SLC17A8: variants seen among roughly 807,000 people sequenced by gnomAD.
SLC17A8 encodes solute carrier family 17 member 8.
SLC17A8 carries 31 observed loss-of-function variants against 58.0 expected under a neutral mutation model. That is an observed-to-expected ratio of 0.53 (90% CI 0.40 to 0.72). The LOEUF (loss-of-function observed/expected upper bound fraction) is 0.72, where lower values mean the gene tolerates loss of function less well. Among genes scored for constraint, SLC17A8 ranks in the 30% least tolerant of loss-of-function variants. The pLI, the probability that SLC17A8 is intolerant of heterozygous loss-of-function variation, is 0.00. For synonymous variants in SLC17A8, 228 were observed against 249.0 expected (o/e 0.92, Z 0.79); for missense variants, 655 against 727.8 (o/e 0.90, Z 1.15).
At chr12:100,367,988 G>C (rs555914102) in intron 1 of SLC17A8, among the ~76,000 whole-genome samples, 5 of 152,196 alleles carry the variant, frequency 3.3e-5, no homozygotes, top group Non-Finnish European at 7.3e-5. Flanking sequence ...TTTTGTTTAA[G>C]TTTCCAAGAA....
In SLC17A8 at chr12:100,412,931, C is replaced by A. The variant is rs149739087; in HGVS notation, c.1297+51C>A. ...TCTTGACTATAGATTCAACAAGTCC[C>A]AGGAAGAAGGAAGGACAAGGATATT... On this transcript the variant is annotated intron_variant, in intron 10 of 11. Transcript: ENST00000323346. 2.0e-4 allele frequency: 282 copies of A among 1,404,044 alleles called. 2 individuals carry two copies. The East Asian group carries it at 6.4e-3, about 32-fold the overall frequency. 87.0% of individuals were successfully genotyped at this position (1,404,044 alleles called of 1,614,324 possible).
intron 1 of SLC17A8, among the ~76,000 whole-genome samples, chr12:100,364,315 G>A (rs1196373172): frequency 6.6e-6 from 1 of 152,194 alleles, no homozygotes; most frequent in Non-Finnish European, 1.5e-5. Flanking sequence ...ACCCCAGTCA[G>A]GATGAATTGC....
chr12:100,412,537 C>T (rs1952876274), intron 9 of SLC17A8, among the ~76,000 whole-genome samples: 1 of 150,468 alleles, frequency 6.6e-6, no homozygotes, highest in South Asian at 2.1e-4. Flanking sequence ...TGTAATAAAC[C>T]TGCACATTCT....
At position 100,380,959 on chromosome 12, in the gene SLC17A8, T is replaced by A. The variant is rs1331667249; in HGVS notation, c.354+6T>A. On this transcript the variant is annotated splice_donor_region_variant and intron_variant, in intron 2 of 11. Coordinates refer to ENST00000323346, the MANE Select transcript of SLC17A8 (RefSeq NM_139319.3). Reference sequence around the variant, plus strand: ...ATGGAAAACCGGAAATTCAGGTTGGTATCAGTCCATGGTGGAAGACTTTTC... The same window carrying A: ...ATGGAAAACCGGAAATTCAGGTTGGAATCAGTCCATGGTGGAAGACTTTTC... 8.7e-6 allele frequency: 14 copies of A among 1,613,852 alleles called. No homozygotes were observed. Among genetic ancestry groups the A allele is most frequent in the Non-Finnish European group, 1.2e-5 (14 of 1,180,032 alleles).
At chr12:100,382,881 T>C (rs189547712) in intron 2 of SLC17A8, among the ~76,000 whole-genome samples, 1 of 152,204 alleles carries the variant, frequency 6.6e-6, no homozygotes, top group Non-Finnish European at 1.5e-5. Flanking sequence ...GCAAGCTATT[T>C]GTTTTTGCTT....
At chr12:100,418,243 C>A in intron 11 of SLC17A8, 87 bp downstream of exon 11, 1 of 1,534,028 alleles carries the variant, frequency 6.5e-7, no homozygotes, top group South Asian at 1.1e-5. Context: ...CTACTGCAGT[C>A]TGTAAATGTG....
intron 1 of SLC17A8, among the ~76,000 whole-genome samples, chr12:100,366,665 T>C (rs1263202984): frequency 3.3e-5 from 5 of 152,214 alleles, no homozygotes; most frequent in Non-Finnish European, 7.3e-5. Flanking sequence ...GGTCTTCTCC[T>C]TCAGTCTTTG....
intron 1 of SLC17A8, among the ~76,000 whole-genome samples, chr12:100,370,996 G>A (rs1566387527): frequency 2.0e-5 from 3 of 152,182 alleles, no homozygotes; most frequent in Non-Finnish European, 4.4e-5. Flanking sequence ...TACTGTGGGA[G>A]CATTGACTGG....
chr12:100,391,953 C>A (rs774266009), intron 3 of SLC17A8, among the ~76,000 whole-genome samples: 12 of 152,068 alleles, frequency 7.9e-5, no homozygotes, highest in Non-Finnish European at 1.0e-4. Context: ...CCTTGAGACT[C>A]TGTAGTGGGT....
chr12:100,377,438 C>T (rs896503160), intron 1 of SLC17A8, among the ~76,000 whole-genome samples: 3 of 151,524 alleles, frequency 2.0e-5, no homozygotes, highest in Non-Finnish European at 2.9e-5. Context: ...AAACTGAAGT[C>T]CAGGGAGTTT....
intron 1 of SLC17A8, among the ~76,000 whole-genome samples, chr12:100,379,842 C>T (rs898062915): frequency 2.0e-5 from 3 of 152,000 alleles, no homozygotes; most frequent in Admixed American, 1.3e-4. Flanking sequence ...GATATACAAC[C>T]AAATGGGTGT....
intron 11 of SLC17A8, among the ~76,000 whole-genome samples, chr12:100,419,580 G>A (rs1952932260): frequency 2.0e-5 from 3 of 150,970 alleles, no homozygotes; most frequent in African/African-American, 4.9e-5. Flanking sequence ...CGTATTTATT[G>A]TTTTGTCTAA....
intron 2 of SLC17A8, among the ~76,000 whole-genome samples, chr12:100,382,684 T>C (rs1050613797): frequency 6.6e-6 from 1 of 152,176 alleles, no homozygotes; most frequent in Admixed American, 6.5e-5. Flanking sequence ...CTGGAGCCCA[T>C]ACTGTGCTGT....
intron 1 of SLC17A8, among the ~76,000 whole-genome samples, chr12:100,373,308 T>G (rs1208172038): frequency 3.3e-5 from 5 of 152,104 alleles, no homozygotes; most frequent in African/African-American, 1.2e-4. Context: ...AAGAAATGAG[T>G]TCGTTTTTCT....
chr12:100,404,501 T>TTCACACACACACACAC, intron 9 of SLC17A8: 1 of 220,448 alleles, frequency 4.5e-6, no homozygotes, highest in Non-Finnish European at 9.2e-6. Context: ...ATGGGATATA[T>TTCACACACACACACAC]GCACACACAC....
At chr12:100,362,522 A>T (rs970646855) in intron 1 of SLC17A8, among the ~76,000 whole-genome samples, 26 of 152,026 alleles carry the variant, frequency 1.7e-4, no homozygotes, top group African/African-American at 5.8e-4. Flanking sequence ...GAGCCACCGC[A>T]CCCTGCCTAG....
At position 100,399,686 on chromosome 12, in the gene SLC17A8, C is replaced by T. The variant is rs117585519; in HGVS notation, c.677-2091C>T. 7.5e-4 allele frequency among the ~76,000 whole-genome samples: 114 copies of T among 152,174 alleles called. No individual in the cohort carries two copies. In the East Asian group the frequency reaches 0.016, roughly 22 times the overall value. ...TCGTAAGAACAGCACGGGGGAAATC[C>T]GCCCCCATGACCCAGTCACCTCCCA... On this transcript the variant is annotated intron_variant, in intron 5 of 11. Transcript: ENST00000323346.
At chr12:100,418,278 A>C in intron 11 of SLC17A8, 122 bp downstream of exon 11, 2 of 1,226,854 alleles carry the variant, frequency 1.6e-6, no homozygotes, top group Non-Finnish European at 2.3e-6. Context: ...TGACTGAGTC[A>C]GCTGAACTTC....
intron 5 of SLC17A8, among the ~76,000 whole-genome samples, chr12:100,399,975 C>T (rs528803651): frequency 1.3e-5 from 2 of 152,168 alleles, no homozygotes; most frequent in Non-Finnish European, 2.9e-5. Context: ...TCTGCCTCCC[C>T]TCCTCCAGCC....
Sources: gnomAD v4.1 joint callset for allele counts (sites outside exome capture counted in the v4.1 genomes callset) on GRCh38, gnomAD v4.1.1 for gene constraint, MANE v1.5 for transcripts, NCBI Gene and HGNC (gene_info 2026-07-23, HGNC 2026-07-21) for gene names.